The following ZSCAN32 variants were observed in gnomAD, a reference collection of about 807,000 sequenced individuals.
ZSCAN32 encodes the protein zinc finger and SCAN domain containing 32.
In ZSCAN32, 52 loss-of-function variants were observed where a neutral mutation model predicts 47.4. The ratio of observed to expected loss-of-function variants is 1.10; its 90% CI spans 0.88 to 1.38. The LOEUF is 1.38. Ranked by LOEUF, ZSCAN32 falls within the 40% of genes most tolerant of loss-of-function variation. The pLI is 0.00. For missense variants in ZSCAN32, 959 were observed against 846.0 expected (o/e 1.13, Z -1.66); for synonymous variants, 346 against 305.7 (o/e 1.13, Z -1.38).
chr16:3,384,750 A>G lies in ZSCAN32; in HGVS notation c.943T>C (p.Leu315=), dbSNP rs927047490. 3.1e-6 allele frequency: 5 copies of G among 1,614,004 alleles called. No individual in the cohort carries two copies. Among genetic ancestry groups the G allele is most frequent in the Admixed American group, 1.7e-5 (1 of 60,000 alleles). Residue 315 remains leucine, a synonymous_variant, in exon 6 of 7, where the codon TTG becomes CTG. Coordinates refer to ENST00000396852, the MANE Select transcript of ZSCAN32 (RefSeq NM_001284527.2). ...CCTCTCCTCACTTTGCGGTAACTCA[A>G]CTGTAGGCTTTTGAACTTGGTGCGA... ...QCRTKFKSLQ[L]SYRKVRRGRV...
chr16:3,386,791 T>G (rs1047478668), intron 5 of ZSCAN32, among the ~76,000 whole-genome samples: 1 of 151,774 alleles, frequency 6.6e-6, no homozygotes, highest in Non-Finnish European at 1.5e-5. Context: ...AGGCCTGTTG[T>G]GGGGTGGGGA....
At chr16:3,395,506 CAT>C (rs1164311890) in intron 2 of ZSCAN32, among the ~76,000 whole-genome samples, 2 of 152,168 alleles carry the variant, frequency 1.3e-5, no homozygotes, top group African/African-American at 2.4e-5. Context: ...TGAAGGAGGA[CAT>C]GTTTGCTTCC....
chr16:3,392,433 C>T (rs1039809341), intron 3 of ZSCAN32, among the ~76,000 whole-genome samples: 9 of 148,396 alleles, frequency 6.1e-5, no homozygotes, highest in African/African-American at 1.2e-4. Context: ...AGGTTGGTCT[C>T]GACTCCTAGG....
rs2033512700 is a variant in ZSCAN32, at chr16:3,397,716, GA to G, written c.-160del. The G allele has an allele frequency of 4.4e-5, 40 of 906,484 alleles. No individual in the cohort carries two copies. Among genetic ancestry groups the G allele is most frequent in the South Asian group, 1.0e-4 (5 of 49,266 alleles). The allele number at this position is 906,484 out of a possible 1,614,324, so 56.2% of individuals were successfully genotyped here. On this transcript the variant is annotated 5_prime_UTR_variant, in exon 2 of 7. Coordinates refer to ENST00000396852, the MANE Select transcript of ZSCAN32 (RefSeq NM_001284527.2). The stretch of plus-strand genomic sequence containing the variant: ...CAGACATGTGTAGAGACTCACAGCG[GA>G]AAAAAAGGGCTCAACTTTGAAGGAT...
intron 5 of ZSCAN32, among the ~76,000 whole-genome samples, chr16:3,385,913 G>A (rs985748169): frequency 6.6e-6 from 1 of 152,166 alleles, no homozygotes; most frequent in African/African-American, 2.4e-5. Flanking sequence ...AACACCAAAA[G>A]CAATGGCAAC....
At chr16:3,393,594 C>T in intron 3 of ZSCAN32, 55 bp downstream of exon 3, 1 of 1,455,696 alleles carries the variant, frequency 6.9e-7, no homozygotes, top group Non-Finnish European at 9.2e-7. Context: ...ACCTTTGTTT[C>T]CAGTAAATGA....
chr16:3,397,826 CCT>C, intron 1 of ZSCAN32, 82 bp from the exon 2 acceptor site: 4 of 288,474 alleles, frequency 1.4e-5, no homozygotes, highest in South Asian at 1.8e-4. Flanking sequence ...CTATCCCTTT[CCT>C]TTACTCCCTC....
intron 3 of ZSCAN32, among the ~76,000 whole-genome samples, chr16:3,393,446 G>A (rs1047556314): frequency 1.4e-4 from 21 of 149,086 alleles, no homozygotes; most frequent in Non-Finnish European, 3.1e-4. Flanking sequence ...GACTGGTCTC[G>A]AACTCCTGAC....
chr16:3,391,695 AAAC>A, intron 3 of ZSCAN32, among the ~76,000 whole-genome samples: 1 of 149,272 alleles, frequency 6.7e-6, no homozygotes, highest in Non-Finnish European at 1.5e-5. Context: ...AAAAAAAAAA[AAAC>A]AAAATACTAA....
In ZSCAN32 at chr16:3,384,825, T is replaced by C; in HGVS notation, c.868A>G (p.Met290Val). 1 of 1,614,206 alleles carries C rather than the reference T, an allele frequency of 6.2e-7. No individual in the cohort carries two copies. The highest frequency in any genetic ancestry group is 8.5e-7 in the Non-Finnish European group (1 of 1,180,028). The change falls in exon 6 of 7, where the codon ATG becomes GTG. Residue 290 changes from methionine (M) to valine (V), a missense_variant. Transcript: ENST00000396852. The part of the protein sequence containing the change: ...CQQNSQIYRA[M>V]AEGLWEQGFL... ...CCCTGCTCCCAGAGTCCTTCCGCCA[T>C]GGCCCTGTAGATCTGGCTGTTCTGC...
intron 6 of ZSCAN32, 81 bp from the exon 7 acceptor site, chr16:3,383,792 G>T: frequency 1.5e-6 from 2 of 1,354,846 alleles, no homozygotes; most frequent in Non-Finnish European, 2.0e-6. Flanking sequence ...ACTATACTAC[G>T]TAGAAGAAAT....
rs1375262658 is a variant in ZSCAN32, at chr16:3,384,661, A to G, written c.1032T>C (p.Ser344=). The change falls in exon 6 of 7, where the codon TCT becomes TCC. Residue 344 remains serine (S), a synonymous_variant. Transcript: ENST00000396852. ...CAGCATCGCTTGCCATAGGAGGTGC[A>G]GAGGCCCAGGAGCCTGAAAGAGCAT... ...EMNALSGSWA[S]APPMASDAVP... 1 of 1,614,200 alleles carries G rather than the reference A, an allele frequency of 6.2e-7. No homozygotes were observed. The highest frequency in any genetic ancestry group is 1.7e-5 in the Admixed American group (1 of 60,022).
At position 3,382,573 on chromosome 16, in the gene ZSCAN32, CT is replaced by C. The variant is rs1362001036; in HGVS notation, c.*278del. On this transcript the variant is annotated 3_prime_UTR_variant, in exon 7 of 7. Coordinates refer to ENST00000396852, the MANE Select transcript of ZSCAN32 (RefSeq NM_001284527.2). ...GACCACTGGGTGCCCATTCTCAGTG[CT>C]AGGAACAGGAAGACCCTGGTTTCCT... The C allele has an allele frequency of 3.3e-6, 1 of 298,760 alleles. No homozygotes were observed. The highest frequency in any genetic ancestry group is 6.1e-6 in the Non-Finnish European group (1 of 163,210). 18.5% of individuals were successfully genotyped at this position (298,760 alleles called of 1,614,324 possible).
chr16:3,390,064 G>C lies in ZSCAN32; in HGVS notation c.697C>G (p.Gln233Glu). The change falls in exon 5 of 7, where the codon CAA (glutamine) becomes GAA (glutamate). Residue 233 changes from glutamine (Q) to glutamate (E), a missense_variant. By Grantham distance (29) the Gln-to-Glu change is conservative. Transcript: ENST00000396852. ...QQEWMCPGPA[Q>E]RALYRGATQR... ...GTGGCACCCCTGTAGAGGGCCCTTT[G>C]TGCAGGGCCTGGGCACATCCATTCT... 6.2e-7 allele frequency: 1 copy of C among 1,613,988 alleles called. No individual in the cohort carries two copies. Among genetic ancestry groups the C allele is most frequent in the Non-Finnish European group, 8.5e-7 (1 of 1,179,972 alleles).
chr16:3,399,653 C>T (rs1332362778), intron 1 of ZSCAN32, among the ~76,000 whole-genome samples: 1 of 151,838 alleles, frequency 6.6e-6, no homozygotes, highest in Admixed American at 6.6e-5. Flanking sequence ...ACTCTGTTGC[C>T]CAGGCTGGTC....
At chr16:3,392,781 G>A (rs7184445) in intron 3 of ZSCAN32, among the ~76,000 whole-genome samples, 58 of 151,962 alleles carry the variant, frequency 3.8e-4, no homozygotes, top group Non-Finnish European at 5.4e-4. Flanking sequence ...AGCCAAGATC[G>A]CATTACTGCA....
intron 3 of ZSCAN32, among the ~76,000 whole-genome samples, chr16:3,391,078 T>C (rs936171425): frequency 2.0e-5 from 3 of 152,108 alleles, no homozygotes; most frequent in Non-Finnish European, 4.4e-5. Context: ...ATTAAAAAAA[T>C]TGTACAAATA....
At chr16:3,394,485 G>A (rs935099318) in intron 2 of ZSCAN32, among the ~76,000 whole-genome samples, 11 of 151,966 alleles carry the variant, frequency 7.2e-5, no homozygotes, top group African/African-American at 2.7e-4. Context: ...CCTCGCATTG[G>A]TCCTCTCTCT....
At position 3,384,483 on chromosome 16, in the gene ZSCAN32, G is replaced by C. The variant is rs912475805; in HGVS notation, c.1210C>G (p.Pro404Ala). Residue 404 changes from proline to alanine, a missense_variant, in exon 6 of 7, where the codon CCA becomes GCA. Transcript: ENST00000396852. ...CCAAGTCTGTTTGGGAACAGCACTG[G>C]CAGGTCTAGTTTCCTGACTTCCTGG... ...PGQEVRKLDL[P>A]VLFPNRLGFE... is the part of the protein sequence containing the mutation. The C allele has an allele frequency of 6.2e-7, 1 of 1,614,150 alleles. No homozygotes were observed. Among genetic ancestry groups the C allele is most frequent in the Admixed American group, 1.7e-5 (1 of 60,026 alleles).
Sources: allele counts gnomAD v4.1 joint callset (sites outside exome capture counted in the v4.1 genomes callset), GRCh38; gene constraint gnomAD v4.1.1; transcripts MANE v1.5; gene names NCBI Gene and HGNC (gene_info 2026-07-23, HGNC 2026-07-21).